Variants in CAV1 observed in about 807,000 individuals in gnomAD.
CAV1 encodes the protein caveolin 1.
Under a neutral mutation model 16.5 loss-of-function variants are expected in CAV1, and 10 were observed. The ratio of observed to expected loss-of-function variants is 0.61; its 90% confidence interval spans 0.37 to 1.03. The LOEUF (loss-of-function observed/expected upper bound fraction) is 1.03. CAV1 is among the 50% of genes least tolerant of loss of function. The pLI is 0.01. For synonymous variants in CAV1, 76 were observed against 85.1 expected (o/e 0.89, Z 0.59); for missense variants, 212 against 232.8 (o/e 0.91, Z 0.58).
chr7:116,537,241 G>A (rs1562831289), intron 2 of CAV1, among the ~76,000 whole-genome samples: 1 of 152,128 alleles, frequency 6.6e-6, no homozygotes, highest in South Asian at 2.1e-4. Context: ...ATTTAAAAGT[G>A]AAGTTTTGAA....
At chr7:116,529,544 A>G (rs1793640939) in intron 2 of CAV1, among the ~76,000 whole-genome samples, 1 of 152,172 alleles carries the variant, frequency 6.6e-6, no homozygotes, top group South Asian at 2.1e-4. Flanking sequence ...GCATTGTAAA[A>G]GCATCCCCTT....
intron 2 of CAV1, among the ~76,000 whole-genome samples, chr7:116,552,764 T>A (rs1197375181): frequency 6.6e-6 from 1 of 152,184 alleles, no homozygotes; most frequent in Non-Finnish European, 1.5e-5. Context: ...TCTAGCAGAT[T>A]TCACTTAGAT....
intron 2 of CAV1, among the ~76,000 whole-genome samples, chr7:116,555,259 A>G (rs936339916): frequency 2.0e-5 from 3 of 151,806 alleles, no homozygotes; most frequent in African/African-American, 7.3e-5. Flanking sequence ...CCTAGGCAAC[A>G]TAGTGAGACC....
intron 2 of CAV1, among the ~76,000 whole-genome samples, chr7:116,555,686 G>A (rs925992216): frequency 6.6e-6 from 1 of 151,568 alleles, no homozygotes; most frequent in African/African-American, 2.4e-5. Context: ...GAGAGAGAGA[G>A]AAAGACCTAG....
chr7:116,532,005 T>C (rs1234454652), intron 2 of CAV1, among the ~76,000 whole-genome samples: 2 of 152,240 alleles, frequency 1.3e-5, no homozygotes, highest in Non-Finnish European at 2.9e-5. Context: ...ATTACATACA[T>C]TTTAAATGCT....
intron 2 of CAV1, among the ~76,000 whole-genome samples, chr7:116,556,203 G>T (rs1794291236): frequency 6.6e-6 from 1 of 152,126 alleles, no homozygotes; most frequent in African/African-American, 2.4e-5. Context: ...TTGAATTTAT[G>T]CTTAGAAAAA....
In CAV1 at chr7:116,533,331, C is replaced by T. The variant is rs183313563; in HGVS notation, c.195+6642C>T. Among the ~76,000 whole-genome samples the T allele has an allele frequency of 2.2e-3, 299 of 132,992 alleles. 3 individuals are homozygous for T. Among genetic ancestry groups the T allele is most frequent in the Non-Finnish European group, 3.9e-4 (25 of 63,404 alleles). The allele number at this position is 132,992 out of a possible 152,430, so 87.2% of individuals were successfully genotyped here. On this transcript the variant is annotated intron_variant, in intron 2 of 2. Transcript: ENST00000341049. ...CCAGCCTGGTGACACAGCGAGACTC[C>T]GTCTCAAAAAATAAAATAAATAAAA...
intron 2 of CAV1, among the ~76,000 whole-genome samples, chr7:116,530,193 G>A (rs1170732439): frequency 9.8e-6 from 1 of 101,986 alleles, no homozygotes; most frequent in East Asian, 2.3e-4. Flanking sequence ...CATGGAAACT[G>A]ATTGGTCCTT....
intron 2 of CAV1, among the ~76,000 whole-genome samples, chr7:116,537,572 C>T (rs1300994411): frequency 2.0e-5 from 3 of 152,188 alleles, no homozygotes; most frequent in Non-Finnish European, 4.4e-5. Flanking sequence ...GGTAGTGAAA[C>T]TCCAAAGCCC....
chr7:116,534,768 T>A (rs148210287), intron 2 of CAV1, among the ~76,000 whole-genome samples: 297 of 152,152 alleles, frequency 2.0e-3, no homozygotes, highest in Non-Finnish European at 3.0e-3. Context: ...TTTCAAATGA[T>A]CGTTCTTCAA....
intron 2 of CAV1, among the ~76,000 whole-genome samples, chr7:116,539,780 G>A (rs3807987): frequency 0.078 from 11,806 of 152,136 alleles, 638 homozygotes; most frequent in East Asian, 0.17. Flanking sequence ...TAATCTCCTA[G>A]GTGTCTGGCA....
chr7:116,527,047 G>A (rs1793579393), intron 2 of CAV1: 2 of 351,326 alleles, frequency 5.7e-6, no homozygotes, highest in Admixed American at 7.9e-5. Flanking sequence ...CCATTCCCAG[G>A]TTGAAAGTCT....
intron 2 of CAV1, among the ~76,000 whole-genome samples, chr7:116,544,264 A>AT (rs1793997417): frequency 1.3e-5 from 2 of 152,258 alleles, no homozygotes; most frequent in Non-Finnish European, 2.9e-5. Context: ...TACGCCAGAT[A>AT]ATAACACATT....
At chr7:116,550,884 C>G (rs1403457705) in intron 2 of CAV1, among the ~76,000 whole-genome samples, 1 of 152,162 alleles carries the variant, frequency 6.6e-6, no homozygotes, top group Non-Finnish European at 1.5e-5. Flanking sequence ...ACCAGTAATA[C>G]ATACTTATGG....
intron 1 of CAV1, 178 bp from the exon 2 acceptor site, chr7:116,526,347 G>A (rs1425145880): frequency 1.4e-6 from 2 of 1,479,810 alleles, no homozygotes; most frequent in Non-Finnish European, 8.9e-7. Flanking sequence ...AGCTGGCTAC[G>A]CGCAGGCGGT....
At chr7:116,525,586 G>T in intron 1 of CAV1, 1 of 1,185,280 alleles carries the variant, frequency 8.4e-7, no homozygotes, top group Non-Finnish European at 1.1e-6. Flanking sequence ...CAAAGTTCTT[G>T]AACCATCTCA....
intron 2 of CAV1, among the ~76,000 whole-genome samples, chr7:116,540,565 A>G (rs1295161063): frequency 2.0e-5 from 3 of 152,250 alleles, no homozygotes; most frequent in Non-Finnish European, 2.9e-5. Context: ...ACATACAGCC[A>G]GAATCACAGT....
intron 2 of CAV1, among the ~76,000 whole-genome samples, chr7:116,543,643 G>T (rs1793982644): frequency 6.6e-6 from 1 of 152,048 alleles, no homozygotes; most frequent in Admixed American, 6.6e-5. Flanking sequence ...GTTTTGTTTT[G>T]TTTTTGCAAC....
intron 2 of CAV1, among the ~76,000 whole-genome samples, chr7:116,556,551 G>T (rs983728784): frequency 6.6e-6 from 1 of 152,156 alleles, no homozygotes; most frequent in Admixed American, 6.5e-5. Flanking sequence ...TCTATAAAGT[G>T]AGAATACTAT....
Sources: gnomAD v4.1 joint callset for allele counts (sites outside exome capture counted in the v4.1 genomes callset) on GRCh38, gnomAD v4.1.1 for gene constraint, MANE v1.5 for transcripts, NCBI Gene and HGNC (gene_info 2026-07-23, HGNC 2026-07-21) for gene names.